Variants in MCC observed in about 807,000 individuals in gnomAD.
The protein encoded by MCC is MCC regulator of Wnt signaling pathway.
In MCC, 90 loss-of-function variants were observed where a neutral mutation model predicts 116.2. That is an observed-to-expected ratio of 0.77 (90% CI 0.65 to 0.92). The LOEUF is 0.92. Ranked by LOEUF, MCC falls within the 40% of genes least tolerant of loss-of-function variation. The pLI, the probability that MCC is intolerant of heterozygous loss-of-function variation, is 0.00. For synonymous variants in MCC, 578 were observed against 510.5 expected (o/e 1.13, Z -1.78); for missense variants, 1,516 against 1,312.2 (o/e 1.16, Z -2.40).
intron 1 of MCC, among the ~76,000 whole-genome samples, chr5:113,467,539 C>G (rs1471629883): frequency 6.6e-6 from 1 of 152,024 alleles, no homozygotes; most frequent in African/African-American, 2.4e-5. Flanking sequence ...TTCCATTGGT[C>G]TATATCTCTG....
At chr5:113,444,227 G>A (rs182235702) in intron 1 of MCC, among the ~76,000 whole-genome samples, 18 of 152,190 alleles carry the variant, frequency 1.2e-4, no homozygotes, top group African/African-American at 2.6e-4. Flanking sequence ...TTAACTGGCC[G>A]GTCATAGTTT....
chr5:113,315,736 G>A (rs1767264000), intron 3 of MCC, among the ~76,000 whole-genome samples: 1 of 148,956 alleles, frequency 6.7e-6, no homozygotes, highest in Non-Finnish European at 1.5e-5. Flanking sequence ...AAATAGCAAG[G>A]CATTGTGGTG....
intron 3 of MCC, among the ~76,000 whole-genome samples, chr5:113,229,240 A>G: frequency 6.6e-6 from 1 of 152,166 alleles, no homozygotes; most frequent in Non-Finnish European, 1.5e-5. Context: ...CAGCCAAGAG[A>G]CAGCTGTGTT....
At chr5:113,071,701 T>C (rs987318753) in intron 11 of MCC, among the ~76,000 whole-genome samples, 3 of 152,244 alleles carry the variant, frequency 2.0e-5, no homozygotes, top group African/African-American at 4.8e-5. Context: ...TTAAGTGTTG[T>C]TACTCCCATT....
intron 9 of MCC, among the ~76,000 whole-genome samples, chr5:113,084,841 C>A (rs1755094989): frequency 1.3e-5 from 2 of 152,172 alleles, no homozygotes; most frequent in East Asian, 1.9e-4. Flanking sequence ...GAACCTTAGT[C>A]TTTGAGAGCA....
In MCC at chr5:113,196,343, G is replaced by T. The variant is rs1581236999; in HGVS notation, c.628-44921C>A. Among the ~76,000 whole-genome samples the T allele has an allele frequency of 2.6e-5, 4 of 152,314 alleles. 1 individual carries two copies. The highest frequency in any genetic ancestry group is 2.6e-4 in the Admixed American group (4 of 15,308). ...CAGGTGAGCCCTGATGGAAGTGGGT[G>T]AAGTGAGCAAGAGGGAGCAGTAGGG... On this transcript the variant is annotated intron_variant, in intron 3 of 18. Transcript: ENST00000408903.
rs1239114544 is a variant in MCC at position 113,327,779 on chromosome 5, G to C, written c.627+12740C>G. Among the ~76,000 whole-genome samples, 5 of 149,982 alleles carry C rather than the reference G, an allele frequency of 3.3e-5. No individual in the cohort carries two copies. In the East Asian group the frequency reaches 1.0e-3, roughly 30 times the overall value. On this transcript the variant is annotated intron_variant, in intron 3 of 18. Coordinates refer to ENST00000408903, the MANE Select transcript of MCC (RefSeq NM_001085377.2). ...CTTTTTAAGTAATAATTATTAGGTT[G>C]GTGCAAAAGCAATCGTAGTTTTTGC...
chr5:113,306,255 C>A (rs1402895797), intron 3 of MCC, among the ~76,000 whole-genome samples: 1 of 152,140 alleles, frequency 6.6e-6, no homozygotes, highest in Non-Finnish European at 1.5e-5. Flanking sequence ...GTTTTCAATT[C>A]TCTCGGGTAT....
chr5:113,054,030 C>T, intron 14 of MCC, 71 bp from the exon 15 acceptor site: 1 of 1,090,204 alleles, frequency 9.2e-7, no homozygotes, highest in Non-Finnish European at 1.4e-6. Flanking sequence ...ATCTTTCCTC[C>T]TCACTCTTCT....
intron 3 of MCC, among the ~76,000 whole-genome samples, chr5:113,295,182 A>G (rs1017629138): frequency 2.6e-5 from 4 of 151,958 alleles, no homozygotes; most frequent in African/African-American, 9.7e-5. Context: ...TAAAAAAAAA[A>G]AAAGAAAAGA....
intron 2 of MCC, among the ~76,000 whole-genome samples, chr5:113,376,541 G>T (rs66629800): frequency 0.13 from 20,028 of 149,828 alleles, 1,578 homozygotes; most frequent in African/African-American, 0.17. Context: ...TTGTGTATAA[G>T]ACACACATGA....
At chr5:113,281,890 C>A (rs1366835207) in intron 3 of MCC, among the ~76,000 whole-genome samples, 3 of 152,210 alleles carry the variant, frequency 2.0e-5, no homozygotes, top group South Asian at 4.1e-4. Flanking sequence ...TACTTGGCAT[C>A]TTCAGCAAGT....
chr5:113,382,588 C>T (rs1023533276), intron 2 of MCC, among the ~76,000 whole-genome samples: 1 of 152,026 alleles, frequency 6.6e-6, no homozygotes, highest in Non-Finnish European at 1.5e-5. Flanking sequence ...ATTTGATTTA[C>T]GTTAGGCTGA....
intron 14 of MCC, among the ~76,000 whole-genome samples, chr5:113,062,131 C>T (rs983312132): frequency 6.6e-6 from 1 of 152,130 alleles, no homozygotes; most frequent in Non-Finnish European, 1.5e-5. Context: ...GACATTGGAG[C>T]TAAAGACCTC....
In MCC at chr5:113,164,539, G is replaced by C. The variant is rs183558024; in HGVS notation, c.628-13117C>G. On this transcript the variant is annotated intron_variant, in intron 3 of 18. Transcript: ENST00000408903. ...AGCCAGGACCAAGCACAGTACTCCA[G>C]ATGAATTCTGCCTAGCTCATTCTTA... is the stretch of plus-strand genomic sequence containing the variant. 6.6e-5 allele frequency among the ~76,000 whole-genome samples: 10 copies of C among 152,288 alleles called. No homozygotes were observed. The East Asian group carries it at 1.9e-3, about 29-fold the overall frequency.
At chr5:113,350,166 A>T (rs1338554611) in intron 2 of MCC, among the ~76,000 whole-genome samples, 1 of 152,090 alleles carries the variant, frequency 6.6e-6, no homozygotes, top group Admixed American at 6.6e-5. Flanking sequence ...TACTAATGAC[A>T]TTCCTCACAG....
intron 2 of MCC, among the ~76,000 whole-genome samples, chr5:113,357,011 TG>T (rs1261092086): frequency 7.9e-5 from 12 of 152,346 alleles, no homozygotes; most frequent in Non-Finnish European, 1.5e-4. Context: ...CATAGAATAG[TG>T]GTTAAGAACT....
intron 3 of MCC, among the ~76,000 whole-genome samples, chr5:113,259,231 C>T (rs1178413013): frequency 2.0e-5 from 3 of 152,312 alleles, no homozygotes; most frequent in African/African-American, 7.2e-5. Context: ...GAGAGGAATG[C>T]ATTTATTTGC....
chr5:113,369,156 T>C (rs998961175), intron 2 of MCC, among the ~76,000 whole-genome samples: 3 of 152,124 alleles, frequency 2.0e-5, no homozygotes, highest in African/African-American at 7.2e-5. Context: ...GCATGATTGA[T>C]TATCACTGAC....
Sources: allele counts gnomAD v4.1 joint callset (sites outside exome capture counted in the v4.1 genomes callset), GRCh38; gene constraint gnomAD v4.1.1; transcripts MANE v1.5; gene names NCBI Gene and HGNC (gene_info 2026-07-23, HGNC 2026-07-21).